SYCP1: variants seen among roughly 807,000 people sequenced by gnomAD.
SYCP1 encodes synaptonemal complex protein 1, also known as cancer/testis antigen 8.
A neutral mutation model predicts 153.1 loss-of-function variants in SYCP1; 64 were observed. The observed-to-expected ratio is 0.42, with a 90% CI of 0.34 to 0.51. The LOEUF (loss-of-function observed/expected upper bound fraction) is 0.51. SYCP1 is among the 20% of genes least tolerant of loss of function. The probability of loss-of-function intolerance (pLI) is 0.06; values close to 1 mark genes in which losing one functional copy is unlikely to be tolerated. For synonymous variants in SYCP1, 384 were observed against 341.8 expected, an observed-to-expected ratio of 1.12 and a Z score of -1.36; for missense variants, 997 against 1,049.0, an observed-to-expected ratio of 0.95 and a Z score of 0.68.
At chr1:114,871,749 C>T (rs1425925306) in intron 8 of SYCP1, among the ~76,000 whole-genome samples, 1 of 151,790 alleles carries the variant, frequency 6.6e-6, no homozygotes, top group African/African-American at 2.4e-5. Flanking sequence ...TAGTAATATG[C>T]TAATTTTTGT....
At chr1:114,864,467 G>T (rs1460985837) in intron 8 of SYCP1, among the ~76,000 whole-genome samples, 2 of 151,798 alleles carry the variant, frequency 1.3e-5, no homozygotes, top group Non-Finnish European at 2.9e-5. Context: ...CTCCACTCAG[G>T]ATACTTTTTT....
intron 27 of SYCP1, among the ~76,000 whole-genome samples, chr1:114,951,944 T>A (rs1671134778): frequency 6.6e-6 from 1 of 152,170 alleles, no homozygotes; most frequent in South Asian, 2.1e-4. Flanking sequence ...AAGTTGTTAG[T>A]CCAACCTGAG....
chr1:114,857,383 TTG>T, intron 4 of SYCP1, 59 bp from the exon 5 acceptor site: 1 of 1,529,210 alleles, frequency 6.5e-7, no homozygotes, highest in Admixed American at 1.9e-5. Flanking sequence ...CTGTATTTAA[TTG>T]TTATTATTTA....
At chr1:114,902,351 T>A (rs1241405829) in intron 16 of SYCP1, among the ~76,000 whole-genome samples, 1 of 152,182 alleles carries the variant, frequency 6.6e-6, no homozygotes, top group African/African-American at 2.4e-5. Context: ...TCAAACAATA[T>A]GTTGTAGGAA....
chr1:114,939,528 C>T (rs1670249612), intron 23 of SYCP1, among the ~76,000 whole-genome samples: 1 of 152,002 alleles, frequency 6.6e-6, no homozygotes. Flanking sequence ...AATGAATAAC[C>T]TATATACAAG....
chr1:114,937,399 A>T (rs1443473051), intron 23 of SYCP1, among the ~76,000 whole-genome samples: 1 of 152,234 alleles, frequency 6.6e-6, no homozygotes, highest in African/African-American at 2.4e-5. Context: ...TTAATTCAAG[A>T]TGGATTAAAG....
At chr1:114,959,103 A>G (rs892145704) in intron 27 of SYCP1, among the ~76,000 whole-genome samples, 3 of 152,064 alleles carry the variant, frequency 2.0e-5, no homozygotes, top group African/African-American at 7.2e-5. Context: ...GCCCTTTATC[A>G]AACTGAGAAA....
At chr1:114,982,338 G>A (rs969331788) in intron 29 of SYCP1, among the ~76,000 whole-genome samples, 16 of 151,994 alleles carry the variant, frequency 1.1e-4, no homozygotes, top group Non-Finnish European at 2.1e-4. Context: ...TAAATGTTAC[G>A]CCTTTTCCTT....
chr1:114,926,216 GA>G, intron 21 of SYCP1, 61 bp from the exon 22 acceptor site: 1 of 1,258,416 alleles, frequency 7.9e-7, no homozygotes, highest in Middle Eastern at 2.4e-4. Context: ...TTATTAGTCT[GA>G]AATTGCCTGT....
intron 26 of SYCP1, among the ~76,000 whole-genome samples, chr1:114,946,801 A>G (rs1366628566): frequency 2.0e-5 from 3 of 152,104 alleles, no homozygotes; most frequent in Admixed American, 1.3e-4. Context: ...GTGCACTGGC[A>G]TGATCTTGGC....
intron 23 of SYCP1, 137 bp from the exon 24 acceptor site, chr1:114,944,202 T>C (rs927507255): frequency 1.9e-6 from 1 of 523,388 alleles, no homozygotes; most frequent in Non-Finnish European, 3.4e-6. Flanking sequence ...CATATGAAAA[T>C]GTAAGGAAAG....
chr1:114,960,171 T>G (rs1214188772), intron 27 of SYCP1, among the ~76,000 whole-genome samples: 3 of 144,064 alleles, frequency 2.1e-5, no homozygotes, highest in Non-Finnish European at 1.5e-5. Flanking sequence ...TTGTTTTTTT[T>G]TTTTTTTTTT....
chr1:114,958,479 T>A (rs1485001746), intron 27 of SYCP1, among the ~76,000 whole-genome samples: 1 of 152,166 alleles, frequency 6.6e-6, no homozygotes, highest in Non-Finnish European at 1.5e-5. Flanking sequence ...ATGTTTGAGA[T>A]GATAGATATC....
At chr1:114,924,667 C>A (rs1436514858) in intron 21 of SYCP1, among the ~76,000 whole-genome samples, 2 of 151,852 alleles carry the variant, frequency 1.3e-5, no homozygotes, top group African/African-American at 4.8e-5. Flanking sequence ...CAGAGCATGG[C>A]ATATTTAAGT....
chr1:114,902,660 C>T (rs1312064487), intron 16 of SYCP1, among the ~76,000 whole-genome samples: 10 of 150,346 alleles, frequency 6.7e-5, no homozygotes, highest in Non-Finnish European at 1.5e-4. Flanking sequence ...TTTACTTGGC[C>T]GTCTCATTAT....
intron 30 of SYCP1, among the ~76,000 whole-genome samples, chr1:114,989,016 A>T (rs1271615207): frequency 6.6e-6 from 1 of 151,874 alleles, no homozygotes; most frequent in African/African-American, 2.4e-5. Context: ...AAAATATGGA[A>T]ATTAGTCAGG....
chr1:114,938,734 A>T (rs954011084), intron 23 of SYCP1, among the ~76,000 whole-genome samples: 1 of 152,144 alleles, frequency 6.6e-6, no homozygotes, highest in African/African-American at 2.4e-5. Context: ...GCCTGGAAAA[A>T]AAAATAAAGT....
intron 29 of SYCP1, 86 bp from the exon 30 acceptor site, chr1:114,984,639 T>C (rs1403365147): frequency 1.2e-5 from 14 of 1,126,354 alleles, no homozygotes; most frequent in African/African-American, 1.6e-5. Context: ...AGGACTCAAA[T>C]TGCCTTAAAA....
chr1:114,981,005 G>A (rs754879598), intron 28 of SYCP1, among the ~76,000 whole-genome samples: 2 of 151,700 alleles, frequency 1.3e-5, no homozygotes, highest in Non-Finnish European at 2.9e-5. Flanking sequence ...TCATGATTTA[G>A]CTCCCACTTA....
Sources: allele counts gnomAD v4.1 joint callset (sites outside exome capture counted in the v4.1 genomes callset), GRCh38; gene constraint gnomAD v4.1.1; transcripts MANE v1.5; gene names NCBI Gene and HGNC (gene_info 2026-07-23, HGNC 2026-07-21).